Variants in SLC16A12 observed in about 807,000 individuals in gnomAD.
SLC16A12 encodes monocarboxylate transporter 12.
SLC16A12 carries 17 observed loss-of-function variants against 42.4 expected under a neutral mutation model. The observed-to-expected ratio is 0.40, with a 90% CI of 0.27 to 0.60. The LOEUF is 0.60. SLC16A12 is among the 20% of genes least tolerant of loss of function. The pLI is 0.42. For missense variants in SLC16A12, 544 were observed against 623.0 expected, an observed-to-expected ratio of 0.87 and a Z score of 1.35; for synonymous variants, 224 against 229.4, an observed-to-expected ratio of 0.98 and a Z score of 0.21.
At chr10:89,555,643 ATATATATACAGATATG>A (rs1843810265) in intron 2 of SLC16A12, among the ~76,000 whole-genome samples, 1 of 141,616 alleles carries the variant, frequency 7.1e-6, no homozygotes, top group African/African-American at 2.6e-5. Context: ...ACATATATAC[ATATATATACAGATATG>A]TATATATACA....
intron 3 of SLC16A12, among the ~76,000 whole-genome samples, chr10:89,459,195 G>A (rs1431902700): frequency 6.6e-6 from 1 of 152,128 alleles, no homozygotes; most frequent in East Asian, 1.9e-4. Flanking sequence ...CTGTGTAAGA[G>A]TAATTTGGAG....
intron 7 of SLC16A12, among the ~76,000 whole-genome samples, chr10:89,434,394 G>C (rs1015565033): frequency 6.6e-6 from 1 of 152,194 alleles, no homozygotes; most frequent in Admixed American, 6.5e-5. Flanking sequence ...ACCTTTGATA[G>C]AATGACACTG....
Position 89,433,226 on chromosome 10 carries a change from T to C in SLC16A12, c.1389A>G (p.Ile463Met). Residue 463 changes from isoleucine (I) to methionine (M), a missense_variant, in exon 8 of 8, where the codon ATA becomes ATG. Ile to Met is a conservative substitution (Grantham distance 10). Transcript: ENST00000371790. Reference protein sequence around the residue: ...SSVLLGFARLIKRMRKTQLQF... With the variant: ...SSVLLGFARLMKRMRKTQLQF... The stretch of plus-strand genomic sequence containing the variant: ...GCAACTGGGTTTTTCTCATTCTCTT[T>C]ATAAGTCTAGCAAAGCCAAGCAACA... 5 of 1,614,226 alleles carry C rather than the reference T, an allele frequency of 3.1e-6. No individual in the cohort carries two copies. Among genetic ancestry groups the C allele is most frequent in the Non-Finnish European group, 4.2e-6 (5 of 1,180,028 alleles).
chr10:89,549,755 C>T (rs894602973), intron 2 of SLC16A12, among the ~76,000 whole-genome samples: 3 of 152,224 alleles, frequency 2.0e-5, no homozygotes, highest in African/African-American at 7.2e-5. Flanking sequence ...TTCTGGTCTA[C>T]ATCTGCCCCA....
intron 2 of SLC16A12, among the ~76,000 whole-genome samples, chr10:89,543,462 C>T (rs1843727196): frequency 6.6e-6 from 1 of 152,090 alleles, no homozygotes; most frequent in East Asian, 1.9e-4. Context: ...CTTCATTTTC[C>T]TCATTTATAA....
In SLC16A12 at chr10:89,495,858, C is replaced by G. The variant is rs550370644; in HGVS notation, c.-46-33234G>C. Among the ~76,000 whole-genome samples the G allele has an allele frequency of 2.0e-5, 3 of 152,212 alleles. No homozygotes were observed. In the East Asian group the frequency reaches 5.8e-4, roughly 29 times the overall value. ...ACATATCACTAGCTCAAAAAAAGAT[C>G]AAAAATCAAAATGTGAAAAACAGTT... On this transcript the variant is annotated intron_variant, in intron 2 of 7. Coordinates refer to ENST00000371790, the MANE Select transcript of SLC16A12 (RefSeq NM_213606.4).
At chr10:89,555,351 G>A (rs1445534847) in intron 2 of SLC16A12, among the ~76,000 whole-genome samples, 2 of 151,428 alleles carry the variant, frequency 1.3e-5, no homozygotes, top group Non-Finnish European at 2.9e-5. Context: ...CAGGGATAAT[G>A]AGCTTAAATT....
At chr10:89,448,879 T>C (rs1263429809) in intron 3 of SLC16A12, among the ~76,000 whole-genome samples, 1 of 152,188 alleles carries the variant, frequency 6.6e-6, no homozygotes, top group Admixed American at 6.6e-5. Flanking sequence ...GCCCAAAAGC[T>C]CCTTAAGCTG....
At chr10:89,452,145 T>G (rs532554535) in intron 3 of SLC16A12, among the ~76,000 whole-genome samples, 7 of 152,318 alleles carry the variant, frequency 4.6e-5, no homozygotes, top group Admixed American at 4.6e-4. Context: ...AATGGAAAGA[T>G]CAGCCAACCC....
At chr10:89,500,045 T>C (rs1842971750) in intron 2 of SLC16A12, among the ~76,000 whole-genome samples, 1 of 152,030 alleles carries the variant, frequency 6.6e-6, no homozygotes, top group African/African-American at 2.4e-5. Context: ...CTAGAAAACC[T>C]AGAGGAGATG....
At chr10:89,554,045 A>C (rs994466022) in intron 2 of SLC16A12, among the ~76,000 whole-genome samples, 1 of 53,396 alleles carries the variant, frequency 1.9e-5, no homozygotes, top group African/African-American at 8.1e-5. Flanking sequence ...AGAAAGAAAG[A>C]AAGAAAGAAA....
At chr10:89,554,536 T>C (rs893016622) in intron 2 of SLC16A12, among the ~76,000 whole-genome samples, 1 of 152,222 alleles carries the variant, frequency 6.6e-6, no homozygotes, top group Non-Finnish European at 1.5e-5. Flanking sequence ...AACAGGTTTG[T>C]TTTTTAAAAT....
chr10:89,446,862 C>T (rs1317269108), intron 3 of SLC16A12, among the ~76,000 whole-genome samples: 1 of 152,020 alleles, frequency 6.6e-6, no homozygotes, highest in African/African-American at 2.4e-5. Context: ...TCAGGAAACC[C>T]ATCTCATGTG....
At chr10:89,534,223 G>A (rs1283307866) in intron 2 of SLC16A12, among the ~76,000 whole-genome samples, 1 of 152,178 alleles carries the variant, frequency 6.6e-6, no homozygotes, top group Admixed American at 6.5e-5. Flanking sequence ...GCAGGGGGTG[G>A]AGGATGTCAA....
intron 2 of SLC16A12, among the ~76,000 whole-genome samples, chr10:89,509,670 A>C (rs1843131583): frequency 6.6e-6 from 1 of 152,220 alleles, no homozygotes. Flanking sequence ...ATTCCCTTTT[A>C]AAACTGGCAC....
intron 2 of SLC16A12, among the ~76,000 whole-genome samples, chr10:89,523,154 T>C (rs1488618301): frequency 6.6e-6 from 1 of 152,186 alleles, no homozygotes; most frequent in Admixed American, 6.5e-5. Context: ...TTTACTCATG[T>C]GTCTCTTTTC....
intron 2 of SLC16A12, among the ~76,000 whole-genome samples, chr10:89,497,335 CA>C (rs1301203747): frequency 2.0e-5 from 3 of 152,074 alleles, no homozygotes; most frequent in African/African-American, 7.2e-5. Context: ...TATTTATTCT[CA>C]AAAAATACAG....
chr10:89,440,877 A>G (rs1378325133), intron 5 of SLC16A12, among the ~76,000 whole-genome samples: 2 of 152,176 alleles, frequency 1.3e-5, no homozygotes, highest in Non-Finnish European at 1.5e-5. Flanking sequence ...TTCCAAGGAG[A>G]AAGCTGCAGT....
At position 89,441,161 on chromosome 10, in the gene SLC16A12, C is replaced by T; in HGVS notation, c.395G>A (p.Ser132Asn). The T allele has an allele frequency of 6.2e-7, 1 of 1,613,936 alleles. No individual in the cohort carries two copies. Among genetic ancestry groups the T allele is most frequent in the Non-Finnish European group, 8.5e-7 (1 of 1,179,864 alleles). The change falls in exon 5 of 8, where the codon AGC (serine) becomes AAC (asparagine). Residue 132 changes from serine (S) to asparagine (N), a missense_variant. Transcript: ENST00000371790. ...GLLASTGLIL[S>N]SFATSLKHLY... The stretch of plus-strand genomic sequence containing the variant: ...ATGCTTCAGACTCGTGGCAAATGAG[C>T]TCAGGATGAGTCCAGTAGATGCAAG...
Sources: gnomAD v4.1 joint callset for allele counts (sites outside exome capture counted in the v4.1 genomes callset) on GRCh38, gnomAD v4.1.1 for gene constraint, MANE v1.5 for transcripts, NCBI Gene and HGNC (gene_info 2026-07-23, HGNC 2026-07-21) for gene names.